Variants in ARHGAP22 observed in about 807,000 individuals in gnomAD.
The protein encoded by ARHGAP22 is rho GTPase-activating protein 22.
Under a neutral mutation model 59.1 loss-of-function variants are expected in ARHGAP22, and 48 were observed. The ratio of observed to expected loss-of-function variants is 0.81; its 90% CI spans 0.64 to 1.03. The LOEUF is 1.03. ARHGAP22 is among the 50% of genes least tolerant of loss of function. The probability of loss-of-function intolerance (pLI) is 0.00; values close to 1 mark genes in which losing one functional copy is unlikely to be tolerated. For missense variants in ARHGAP22, 1,015 were observed against 958.7 expected (o/e 1.06, Z -0.78); for synonymous variants, 445 against 416.4 (o/e 1.07, Z -0.84).
intron 1 of ARHGAP22, among the ~76,000 whole-genome samples, chr10:48,650,634 T>C (rs1187147111): frequency 6.6e-6 from 1 of 152,190 alleles, no homozygotes; most frequent in East Asian, 1.9e-4. Context: ...ATGCAGTATG[T>C]CCTCTGTCCC....
At chr10:48,617,841 A>G (rs1397189567) in intron 1 of ARHGAP22, among the ~76,000 whole-genome samples, 1 of 152,068 alleles carries the variant, frequency 6.6e-6, no homozygotes, top group Non-Finnish European at 1.5e-5. Context: ...AATAAATATC[A>G]GAGCAGAAAT....
the ARHGAP22 span, chr10:48,438,796 TTGAC>T: frequency 6.6e-5 from 10 of 152,340 alleles, no homozygotes; most frequent in South Asian, 2.1e-4. Context: ...TGTAAAATCT[TTGAC>T]TGTATGTCTT....
intron 1 of ARHGAP22, among the ~76,000 whole-genome samples, chr10:48,612,896 A>G (rs2060948104): frequency 6.6e-6 from 1 of 152,048 alleles, no homozygotes; most frequent in South Asian, 2.1e-4. Context: ...CCCCAGTTAT[A>G]CTGTCAGCCT....
chr10:48,565,531 A>G (rs2057996314), intron 2 of ARHGAP22, among the ~76,000 whole-genome samples: 1 of 152,174 alleles, frequency 6.6e-6, no homozygotes, highest in Admixed American at 6.5e-5. Context: ...TATAGGGCCA[A>G]GGAGTAGACT....
chr10:48,554,557 G>C (rs1010028399), intron 3 of ARHGAP22, among the ~76,000 whole-genome samples: 2 of 152,088 alleles, frequency 1.3e-5, no homozygotes, highest in African/African-American at 4.8e-5. Context: ...CCTTCCTCAA[G>C]CATCTGCAAC....
At chr10:48,531,644 G>T (rs11593804) in intron 3 of ARHGAP22, among the ~76,000 whole-genome samples, 105,169 of 151,882 alleles carry the variant, frequency 0.69, 37,710 homozygotes, top group Middle Eastern at 0.79. Context: ...ATTTCCACTT[G>T]CAAGAGGAGG....
At chr10:48,482,113 C>T (rs1296904251) in intron 3 of ARHGAP22, among the ~76,000 whole-genome samples, 1 of 152,086 alleles carries the variant, frequency 6.6e-6, no homozygotes, top group Non-Finnish European at 1.5e-5. Context: ...TTTAATTTTG[C>T]AAAGTCCAAT....
the ARHGAP22 span, chr10:48,435,056 G>GCT: frequency 3.5e-5 from 43 of 1,214,522 alleles, no homozygotes; most frequent in African/African-American, 4.6e-5. Flanking sequence ...GGGGTGGGAG[G>GCT]GATGGGGAGT....
intron 1 of ARHGAP22, among the ~76,000 whole-genome samples, chr10:48,589,283 C>T (rs1014164794): frequency 1.3e-5 from 2 of 152,174 alleles, no homozygotes; most frequent in African/African-American, 4.8e-5. Flanking sequence ...TCCTTCCCCT[C>T]TGCAGAGCCC....
intron 2 of ARHGAP22, among the ~76,000 whole-genome samples, chr10:48,573,377 C>T (rs1006488046): frequency 2.0e-5 from 3 of 152,194 alleles, no homozygotes; most frequent in African/African-American, 7.2e-5. Context: ...CAGCTAGAAC[C>T]ATCCTGGTTA....
intron 2 of ARHGAP22, among the ~76,000 whole-genome samples, chr10:48,568,742 C>T (rs1003218567): frequency 6.6e-5 from 10 of 152,244 alleles, no homozygotes; most frequent in Non-Finnish European, 1.2e-4. Context: ...GAACTGGGAG[C>T]TCTTGGTAGG....
chr10:48,530,515 T>C (rs1199458338), intron 3 of ARHGAP22, among the ~76,000 whole-genome samples: 1 of 152,156 alleles, frequency 6.6e-6, no homozygotes, highest in Non-Finnish European at 1.5e-5. Context: ...TTGTGATCTT[T>C]ACATCTGACA....
chr10:48,475,004 C>T (rs1564724330), intron 4 of ARHGAP22, among the ~76,000 whole-genome samples: 1 of 152,208 alleles, frequency 6.6e-6, no homozygotes, highest in African/African-American at 2.4e-5. Flanking sequence ...CTCACCTCCT[C>T]CTCCAGCTGC....
intron 3 of ARHGAP22, among the ~76,000 whole-genome samples, chr10:48,548,875 G>C (rs1392915665): frequency 6.6e-6 from 1 of 152,164 alleles, no homozygotes; most frequent in African/African-American, 2.4e-5. Context: ...TGCCTGCCCC[G>C]GGGGAGCTAG....
At chr10:48,627,908 T>C (rs1409183156) in intron 1 of ARHGAP22, among the ~76,000 whole-genome samples, 1 of 152,212 alleles carries the variant, frequency 6.6e-6, no homozygotes, top group African/African-American at 2.4e-5. Context: ...GGAAGGGGCA[T>C]CTTTGTGATT....
intron 3 of ARHGAP22, among the ~76,000 whole-genome samples, chr10:48,487,088 T>A (rs1278678843): frequency 1.3e-5 from 2 of 152,168 alleles, no homozygotes; most frequent in African/African-American, 4.8e-5. Flanking sequence ...TGTGAGCTTA[T>A]AGTTTTCATA....
intron 6 of ARHGAP22, 52 bp downstream of exon 6, chr10:48,454,950 G>A: frequency 2.0e-6 from 3 of 1,522,706 alleles, no homozygotes; most frequent in Non-Finnish European, 2.7e-6. Context: ...GAGTCTACAG[G>A]CTGCCACCCA....
chr10:48,574,047 G>A (rs1268892908), intron 2 of ARHGAP22, among the ~76,000 whole-genome samples: 1 of 127,392 alleles, frequency 7.8e-6, no homozygotes, highest in African/African-American at 3.2e-5. Context: ...TGGATACTGA[G>A]ACACAGAGAT....
chr10:48,451,489 G>A (rs1255054141), intron 8 of ARHGAP22: 1 of 702,522 alleles, frequency 1.4e-6, no homozygotes, highest in South Asian at 1.5e-5. Context: ...TGGGACCTGA[G>A]ATGCCAGAAC....
Sources: gnomAD v4.1 joint callset for allele counts (sites outside exome capture counted in the v4.1 genomes callset) on GRCh38, gnomAD v4.1.1 for gene constraint, MANE v1.5 for transcripts, NCBI Gene and HGNC (gene_info 2026-07-23, HGNC 2026-07-21) for gene names.